CEMIP2: variants seen among roughly 807,000 people sequenced by gnomAD.
CEMIP2 encodes the protein cell surface hyaluronidase CEMIP2.
A neutral mutation model predicts 146.9 loss-of-function variants in CEMIP2; 79 were observed. The ratio of observed to expected loss-of-function variants is 0.54; its 90% CI spans 0.45 to 0.65. CEMIP2 has a LOEUF of 0.65. Ranked by LOEUF, CEMIP2 falls within the 30% of genes least tolerant of loss-of-function variation. The pLI is 0.00. For missense variants in CEMIP2, 1,596 were observed against 1,696.2 expected, an observed-to-expected ratio of 0.94 and a Z score of 1.04; for synonymous variants, 601 against 606.3, an observed-to-expected ratio of 0.99 and a Z score of 0.13.
chr9:71,754,128 G>C (rs974027156), intron 1 of CEMIP2, among the ~76,000 whole-genome samples: 10 of 152,056 alleles, frequency 6.6e-5, no homozygotes, highest in Admixed American at 2.0e-4. Context: ...CGAGTTGATG[G>C]GTGCAGCAAA....
intron 20 of CEMIP2, 127 bp from the exon 21 acceptor site, chr9:71,694,734 T>C: frequency 3.2e-6 from 2 of 629,398 alleles, no homozygotes; most frequent in Non-Finnish European, 5.7e-6. Flanking sequence ...TTGTACATAT[T>C]TCATGACCTA....
At chr9:71,696,454 C>CTG (rs59859158) in intron 20 of CEMIP2, among the ~76,000 whole-genome samples, 62,603 of 150,336 alleles carry the variant, frequency 0.42, 13,100 homozygotes, top group African/African-American at 0.46. Flanking sequence ...GAGACTAAGA[C>CTG]TGATAGTAGA....
chr9:71,719,211 T>C (rs1823157784), intron 12 of CEMIP2, among the ~76,000 whole-genome samples: 1 of 152,182 alleles, frequency 6.6e-6, no homozygotes, highest in South Asian at 2.1e-4. Context: ...GGAAACATCA[T>C]TTGCCTAATG....
chr9:71,735,634 T>C (rs1243271053), intron 5 of CEMIP2, among the ~76,000 whole-genome samples: 1 of 151,704 alleles, frequency 6.6e-6, no homozygotes, highest in Non-Finnish European at 1.5e-5. Flanking sequence ...CAAAAAAACA[T>C]TGGCCAGGTA....
At position 71,716,516 on chromosome 9, in the gene CEMIP2, C is replaced by T; in HGVS notation, c.2435+1G>A. The T allele has an allele frequency of 6.3e-7, 1 of 1,587,782 alleles. No individual in the cohort carries two copies. Among genetic ancestry groups the T allele is most frequent in the Non-Finnish European group, 8.6e-7 (1 of 1,169,108 alleles). Reference sequence around the variant, plus strand: ...GTAAGTATTTTTAAGCAATTACAAACCTGGCAAAGGTCAGTCCTATTCCAT... The same window carrying T: ...GTAAGTATTTTTAAGCAATTACAAATCTGGCAAAGGTCAGTCCTATTCCAT... On this transcript the variant is annotated splice_donor_variant, in intron 14 of 23. Coordinates refer to ENST00000377044, the MANE Select transcript of CEMIP2 (RefSeq NM_013390.3). LOFTEE classifies it high-confidence loss of function.
chr9:71,739,618 G>A (rs1823859318), intron 5 of CEMIP2, among the ~76,000 whole-genome samples: 2 of 152,040 alleles, frequency 1.3e-5, no homozygotes. Context: ...CTAGACTAGA[G>A]AATGGTCTAT....
intron 1 of CEMIP2, among the ~76,000 whole-genome samples, chr9:71,756,497 CT>C (rs1824459501): frequency 7.3e-6 from 1 of 137,840 alleles, no homozygotes; most frequent in African/African-American, 2.7e-5. Flanking sequence ...CTCTCTCTCT[CT>C]CTCTCTCTCA....
rs1823878648 is a variant in CEMIP2 at position 71,740,327 on chromosome 9, A to G, written c.1035-95T>C. ...TATTACAGAGTGCTGTTTAATTCTC[A>G]TATTTCATTTTCGTCAATCCCTAAT... On this transcript the variant is annotated intron_variant, in intron 4 of 23. Coordinates refer to ENST00000377044, the MANE Select transcript of CEMIP2 (RefSeq NM_013390.3). 2.8e-6 allele frequency: 4 copies of G among 1,448,954 alleles called. No individual in the cohort carries two copies. In the African/African-American group the frequency reaches 4.2e-5, roughly 15 times the overall value. 89.8% of individuals were successfully genotyped at this position (1,448,954 alleles called of 1,614,324 possible). A position where few individuals can be genotyped will look rare whatever the true frequency, so the allele number is the denominator to read the frequency against.
chr9:71,746,817 G>T (rs1259464053), intron 2 of CEMIP2, among the ~76,000 whole-genome samples: 1 of 152,150 alleles, frequency 6.6e-6, no homozygotes, highest in Non-Finnish European at 1.5e-5. Context: ...GAATGATGAA[G>T]TAAGTACTGA....
intron 1 of CEMIP2, among the ~76,000 whole-genome samples, chr9:71,751,830 C>A (rs949918172): frequency 6.6e-6 from 1 of 152,120 alleles, no homozygotes; most frequent in Non-Finnish European, 1.5e-5. Flanking sequence ...CTAGACTTAT[C>A]TAGTGATTAA....
rs77361296 is a variant in CEMIP2 at position 71,694,099 on chromosome 9, TTTTATTTA to T, written c.3696+402_3696+409del. Among the ~76,000 whole-genome samples, 816 of 145,564 alleles carry T rather than the reference TTTTATTTA, an allele frequency of 5.6e-3. 5 individuals carry two copies. The highest frequency in any genetic ancestry group is 0.015 in the African/African-American group (604 of 39,218). On this transcript the variant is annotated intron_variant, in intron 21 of 23. Coordinates refer to ENST00000377044, the MANE Select transcript of CEMIP2 (RefSeq NM_013390.3). ...TGAGAAATAAATTTCTGTTGTTTATTTTTATTTATTTATTTATTTATTTATTTATTTAT... is the reference window on the plus strand; with the variant it reads ...TGAGAAATAAATTTCTGTTGTTTATTTTTATTTATTTATTTATTTATTTAT...
At chr9:71,715,164 T>C (rs1823011147) in intron 14 of CEMIP2, 75 bp from the exon 15 acceptor site, 1 of 1,506,474 alleles carries the variant, frequency 6.6e-7, no homozygotes, top group Non-Finnish European at 8.9e-7. Flanking sequence ...AGGCATGCTA[T>C]AACTGAAAAG....
chr9:71,690,507 T>C (rs1822197421), intron 21 of CEMIP2, among the ~76,000 whole-genome samples: 1 of 152,236 alleles, frequency 6.6e-6, no homozygotes, highest in Non-Finnish European at 1.5e-5. Flanking sequence ...TGGCCCCCAC[T>C]CAGCTAAGCT....
chr9:71,726,446 A>C (rs1823388690), intron 10 of CEMIP2, among the ~76,000 whole-genome samples: 1 of 152,256 alleles, frequency 6.6e-6, no homozygotes, highest in Non-Finnish European at 1.5e-5. Flanking sequence ...TCGATTAAAT[A>C]GTTTGTTAAA....
At position 71,745,128 on chromosome 9, in the gene CEMIP2, C is replaced by T. The variant is rs755152145; in HGVS notation, c.924G>A (p.Arg308=). 5.0e-6 allele frequency: 8 copies of T among 1,614,192 alleles called. No individual in the cohort carries two copies. The South Asian group carries it at 6.6e-5, about 13-fold the overall frequency. The change falls in exon 4 of 24, where the codon CGG becomes CGA. Residue 308 remains arginine, a synonymous_variant. Coordinates refer to ENST00000377044, the MANE Select transcript of CEMIP2 (RefSeq NM_013390.3). ...AATCCCCGACAGCTATGGCAACAAT[C>T]CGACCTGGATCCTGGAATCTCAGAA... ...QEFLRFQDPG[R]IVAIAVGDSA... is the part of the protein sequence containing the mutation.
intron 4 of CEMIP2, among the ~76,000 whole-genome samples, chr9:71,742,831 G>A (rs2132000082): frequency 6.6e-6 from 1 of 152,314 alleles, no homozygotes; most frequent in Non-Finnish European, 1.5e-5. Flanking sequence ...ATTTAAGGAA[G>A]CAATTTTGTA....
intron 11 of CEMIP2, among the ~76,000 whole-genome samples, chr9:71,724,863 T>C (rs1823336601): frequency 6.6e-6 from 1 of 152,178 alleles, no homozygotes; most frequent in Non-Finnish European, 1.5e-5. Flanking sequence ...CCTAGAAGGA[T>C]ATTATTTAAT....
rs531194667 is a variant in CEMIP2 at position 71,747,030 on chromosome 9, A to G, written c.332-689T>C. On this transcript the variant is annotated intron_variant, in intron 2 of 23. Coordinates refer to ENST00000377044, the MANE Select transcript of CEMIP2 (RefSeq NM_013390.3). Reference sequence around the variant, plus strand: ...TTAGAAAATGAGATTATTGACTTGTAGTGTTCCTTTACTGGAATTAGAACT... The same window carrying G: ...TTAGAAAATGAGATTATTGACTTGTGGTGTTCCTTTACTGGAATTAGAACT... 7.1e-4 allele frequency among the ~76,000 whole-genome samples: 108 copies of G among 152,332 alleles called. 1 individual carries two copies. Among genetic ancestry groups the G allele is most frequent in the Middle Eastern group, 6.8e-3 (2 of 294 alleles).
At chr9:71,752,166 C>A (rs1824272454) in intron 1 of CEMIP2, among the ~76,000 whole-genome samples, 1 of 151,774 alleles carries the variant, frequency 6.6e-6, no homozygotes, top group Non-Finnish European at 1.5e-5. Flanking sequence ...AGGACTTAAA[C>A]CTAGGTATTT....
Sources: allele counts gnomAD v4.1 joint callset (sites outside exome capture counted in the v4.1 genomes callset), GRCh38; gene constraint gnomAD v4.1.1; transcripts MANE v1.5; gene names NCBI Gene and HGNC (gene_info 2026-07-23, HGNC 2026-07-21).